The following IMPG1 variants were observed in gnomAD, a reference collection of about 807,000 sequenced individuals.
IMPG1 encodes interphotoreceptor matrix proteoglycan 1.
IMPG1 carries 85 observed loss-of-function variants against 92.0 expected under a neutral mutation model. The ratio of observed to expected loss-of-function variants is 0.92; its 90% CI spans 0.78 to 1.11. The LOEUF is 1.11. Ranked by LOEUF, IMPG1 falls within the 50% of genes least tolerant of loss-of-function variation. The pLI, the probability that IMPG1 is intolerant of heterozygous loss-of-function variation, is 0.00. For synonymous variants in IMPG1, 367 were observed against 334.1 expected, an observed-to-expected ratio of 1.10 and a Z score of -1.08; for missense variants, 1,022 against 956.0, an observed-to-expected ratio of 1.07 and a Z score of -0.91.
intron 14 of IMPG1, among the ~76,000 whole-genome samples, chr6:75,935,334 C>G (rs1781727213): frequency 6.6e-6 from 1 of 152,214 alleles, no homozygotes; most frequent in South Asian, 2.1e-4. Flanking sequence ...GGTGAAAACT[C>G]CTGGATCATC....
intron 12 of IMPG1, among the ~76,000 whole-genome samples, chr6:75,971,216 G>A (rs528709375): frequency 1.3e-5 from 2 of 150,946 alleles, no homozygotes; most frequent in African/African-American, 2.4e-5. Flanking sequence ...ACTATCGCAC[G>A]GACAAAAAAC....
chr6:76,003,724 A>C (rs1199604981), intron 11 of IMPG1, 150 bp downstream of exon 11: 1 of 601,880 alleles, frequency 1.7e-6, no homozygotes, highest in Non-Finnish European at 2.9e-6. Context: ...AAAGTGGGTT[A>C]AGCAAGTGCT....
At chr6:75,997,469 T>G (rs1236222663) in intron 12 of IMPG1, among the ~76,000 whole-genome samples, 3 of 152,198 alleles carry the variant, frequency 2.0e-5, no homozygotes, top group Non-Finnish European at 2.9e-5. Flanking sequence ...TAACTGCAAA[T>G]TTCTTTCCCT....
intron 14 of IMPG1, among the ~76,000 whole-genome samples, chr6:75,939,588 T>A (rs1272466573): frequency 2.6e-5 from 4 of 152,258 alleles, no homozygotes; most frequent in Admixed American, 6.5e-5. Context: ...ATTTTCTTAA[T>A]CCAGTCTATC....
At chr6:76,030,001 G>A (rs1783626781) in intron 4 of IMPG1, among the ~76,000 whole-genome samples, 1 of 152,056 alleles carries the variant, frequency 6.6e-6, no homozygotes, top group African/African-American at 2.4e-5. Flanking sequence ...TGGATCTGAG[G>A]TATCCAGAGG....
At chr6:76,069,352 A>T (rs1243022334) in intron 1 of IMPG1, among the ~76,000 whole-genome samples, 1 of 152,184 alleles carries the variant, frequency 6.6e-6, no homozygotes, top group African/African-American at 2.4e-5. Flanking sequence ...AGCAAATGTA[A>T]CAAAACCAAA....
intron 12 of IMPG1, among the ~76,000 whole-genome samples, chr6:75,971,401 T>A (rs573027400): frequency 4.5e-4 from 68 of 151,874 alleles, no homozygotes; most frequent in African/African-American, 1.6e-3. Flanking sequence ...CGCACCAGCA[T>A]GGCACATGTA....
intron 16 of IMPG1, among the ~76,000 whole-genome samples, chr6:75,923,124 A>G (rs1781457409): frequency 6.6e-6 from 1 of 152,140 alleles, no homozygotes; most frequent in Non-Finnish European, 1.5e-5. Context: ...TTATTTTAGT[A>G]AAATAAGTTG....
chr6:75,943,555 C>T (rs1057449673), intron 14 of IMPG1, among the ~76,000 whole-genome samples: 2 of 152,156 alleles, frequency 1.3e-5, no homozygotes, highest in Non-Finnish European at 2.9e-5. Context: ...CTGGTGCCTG[C>T]GGAAAGATGA....
Position 76,026,743 on chromosome 6 carries a change from C to A in IMPG1, c.498-1485G>T, listed in dbSNP as rs527931573. On this transcript the variant is annotated intron_variant, in intron 4 of 16. Transcript: ENST00000369950. The stretch of plus-strand genomic sequence containing the variant: ...TCTTTTCTCTTCTCCACCCTGTCTG[C>A]AGTTAACCTTTAAAGTTCTTTTTCC... Among the ~76,000 whole-genome samples the A allele has an allele frequency of 3.9e-5, 6 of 152,304 alleles. No homozygotes were observed. The Middle Eastern group carries it at 0.014, about 345-fold the overall frequency.
At chr6:76,034,825 G>C (rs752100426) in intron 2 of IMPG1, 38 bp from the exon 3 acceptor site, 4 of 1,570,566 alleles carry the variant, frequency 2.5e-6, no homozygotes, top group Non-Finnish European at 3.5e-6. Context: ...GCCCTAAGAG[G>C]GTCCCCGTAC....
At chr6:76,000,240 T>C (rs1241116450) in intron 12 of IMPG1, among the ~76,000 whole-genome samples, 1 of 152,254 alleles carries the variant, frequency 6.6e-6, no homozygotes, top group Non-Finnish European at 1.5e-5. Flanking sequence ...TGATTTTTCC[T>C]ACAGAGTTAT....
chr6:75,974,534 A>G (rs1782503733), intron 12 of IMPG1, among the ~76,000 whole-genome samples: 1 of 136,278 alleles, frequency 7.3e-6, no homozygotes, highest in South Asian at 2.2e-4. Context: ...CAATGGCGTG[A>G]TCTTGGCTCA....
chr6:75,957,438 A>G (rs950342829), intron 12 of IMPG1, among the ~76,000 whole-genome samples: 17 of 152,136 alleles, frequency 1.1e-4, no homozygotes, highest in Non-Finnish European at 1.0e-4. Flanking sequence ...CTTGACCCAG[A>G]GCTGAGTTCA....
intron 14 of IMPG1, among the ~76,000 whole-genome samples, chr6:75,939,602 G>T (rs562005606): frequency 3.5e-4 from 53 of 152,254 alleles, no homozygotes; most frequent in African/African-American, 1.3e-3. Flanking sequence ...GTCTATCATT[G>T]TTGGACATTT....
chr6:75,995,905 A>G (rs951643765), intron 12 of IMPG1, among the ~76,000 whole-genome samples: 1 of 152,250 alleles, frequency 6.6e-6, no homozygotes, highest in Non-Finnish European at 1.5e-5. Context: ...GGGGAACCCA[A>G]ATCATGACAG....
chr6:75,979,961 A>C (rs1024235639), intron 12 of IMPG1, among the ~76,000 whole-genome samples: 1 of 152,210 alleles, frequency 6.6e-6, no homozygotes, highest in African/African-American at 2.4e-5. Flanking sequence ...AATAAGAAAA[A>C]GCAGATTGAA....
At chr6:76,017,732 T>G (rs1193243361) in intron 7 of IMPG1, among the ~76,000 whole-genome samples, 1 of 152,132 alleles carries the variant, frequency 6.6e-6, no homozygotes, top group Non-Finnish European at 1.5e-5. Flanking sequence ...TACTAATTTT[T>G]ATTTATTTAT....
chr6:75,931,275 G>T, intron 14 of IMPG1, 124 bp from the exon 15 acceptor site: 1 of 800,752 alleles, frequency 1.2e-6, no homozygotes, highest in Non-Finnish European at 2.0e-6. Flanking sequence ...TTGCACAGTT[G>T]TGATATCAGA....
Sources: allele counts gnomAD v4.1 joint callset (sites outside exome capture counted in the v4.1 genomes callset), GRCh38; gene constraint gnomAD v4.1.1; transcripts MANE v1.5; gene names NCBI Gene and HGNC (gene_info 2026-07-23, HGNC 2026-07-21).